CKB: variants seen among roughly 807,000 people sequenced by gnomAD.
The protein encoded by CKB is creatine kinase B.
Under a neutral mutation model 36.9 loss-of-function variants are expected in CKB, and 15 were observed. That is an observed-to-expected ratio of 0.41 (90% CI 0.27 to 0.63). The LOEUF (loss-of-function observed/expected upper bound fraction) is 0.63. Among genes scored for constraint, CKB ranks in the 20% least tolerant of loss-of-function variants. The pLI is 0.34. For missense variants in CKB, 413 were observed against 534.9 expected, an observed-to-expected ratio of 0.77 and a Z score of 2.25; for synonymous variants, 250 against 228.2, an observed-to-expected ratio of 1.10 and a Z score of -0.86.
Position 103,520,246 on chromosome 14 carries a change from G to A in CKB, c.843C>T (p.Leu281=). Reference sequence around the variant, plus strand: ...CGGTGCCCAGGTTGGATGGGCAGGTGAGGATGTAGCCCAGGTGAGGGTTCC... The same window carrying A: ...CGGTGCCCAGGTTGGATGGGCAGGTAAGGATGTAGCCCAGGTGAGGGTTCC... ...FMWNPHLGYI[L]TCPSNLGTGL... The change falls in exon 7 of 8, where the codon CTC becomes CTT. Residue 281 remains leucine, a synonymous_variant. Transcript: ENST00000348956. 4 of 1,613,672 alleles carry A rather than the reference G, an allele frequency of 2.5e-6. No homozygotes were observed. The South Asian group carries it at 3.3e-5, about 13-fold the overall frequency.
Position 103,519,895 on chromosome 14 carries a change from G to A in CKB, c.1115C>T (p.Ala372Val), listed in dbSNP as rs755648107. The change falls in exon 8 of 8, where the codon GCC (alanine) becomes GTC (valine). Residue 372 changes from alanine to valine, a missense_variant. By Grantham distance (64) the Ala-to-Val change is moderately conservative. Around this residue, in one of 3 missense-constraint regions of CKB, gnomAD observed 314 missense variants for 409.4 expected, o/e 0.77. Coordinates refer to ENST00000348956, the MANE Select transcript of CKB (RefSeq NM_001823.5). ...CTGGGCAGGCATGAGGTCGTCGATGGCCTGGCCCTGCTCCAGCCGCTGCTC... is the reference window on the plus strand; with the variant it reads ...CTGGGCAGGCATGAGGTCGTCGATGACCTGGCCCTGCTCCAGCCGCTGCTC... ...EMEQRLEQGQ[A>V]IDDLMPAQK 6.8e-6 allele frequency: 11 copies of A among 1,606,968 alleles called. No individual in the cohort carries two copies. Among genetic ancestry groups the A allele is most frequent in the Non-Finnish European group, 8.5e-6 (10 of 1,179,888 alleles).
rs1480233238 is a variant in CKB, at chr14:103,521,155, C to T, written c.653+108G>A. On this transcript the variant is annotated intron_variant, in intron 5 of 7. Coordinates refer to ENST00000348956, the MANE Select transcript of CKB (RefSeq NM_001823.5). ...GCGCGGCCGGCCCCTCCCTCCTCCT[C>T]CTCCTCCTCCTCGCCGCGAGGGGCC... The T allele has an allele frequency of 3.7e-6, 5 of 1,351,332 alleles. No homozygotes were observed. In the East Asian group the frequency reaches 1.3e-4, roughly 34 times the overall value. The allele number at this position is 1,351,332 out of a possible 1,614,324, so 83.7% of individuals were successfully genotyped here.
chr14:103,521,114 G>A, intron 5 of CKB, 149 bp downstream of exon 5: 1 of 1,003,660 alleles, frequency 1.0e-6, no homozygotes, highest in Non-Finnish European at 1.5e-6. Context: ...GGCGCGGCAC[G>A]GAACCCAGAC....
intron 5 of CKB, 177 bp downstream of exon 5, chr14:103,521,086 G>C (rs1465227408): frequency 6.0e-6 from 5 of 828,660 alleles, no homozygotes; most frequent in Admixed American, 4.0e-5. Context: ...CTCGGCCAAG[G>C]TCACCGGCGC....
chr14:103,521,686 CTG>C, intron 4 of CKB, 130 bp downstream of exon 4: 1 of 1,144,002 alleles, frequency 8.7e-7, no homozygotes. Flanking sequence ...CTCCGGGAAA[CTG>C]AACCCGGGCG....
At chr14:103,521,587 G>A in intron 4 of CKB, 153 bp from the exon 5 acceptor site, 1 of 917,170 alleles carries the variant, frequency 1.1e-6, no homozygotes, top group Non-Finnish European at 1.5e-6. Context: ...CCCGGGCGAC[G>A]GTCCCAGGCG....
intron 6 of CKB, 72 bp from the exon 7 acceptor site, chr14:103,520,383 G>A: frequency 6.3e-7 from 1 of 1,586,512 alleles, no homozygotes; most frequent in African/African-American, 1.3e-5. Flanking sequence ...ACTCCCCAGT[G>A]CCGGAAATCC....
At chr14:103,520,719 A>T in intron 5 of CKB, 127 bp from the exon 6 acceptor site, 2 of 1,311,140 alleles carry the variant, frequency 1.5e-6, no homozygotes, top group African/African-American at 1.5e-5. Context: ...TGCTGCCAAG[A>T]CTCCACCCGC....
At position 103,521,417 on chromosome 14, in the gene CKB, C is replaced by T. The variant is rs200266751; in HGVS notation, c.499G>A (p.Gly167Ser). Residue 167 changes from glycine to serine, a missense_variant, in exon 5 of 8, where the codon GGC (glycine) becomes AGC (serine). By Grantham distance (56) the Gly-to-Ser change is moderately conservative. This residue lies in a region of CKB where 314 missense variants were observed against 409.4 expected (regional missense o/e 0.77). Coordinates refer to ENST00000348956, the MANE Select transcript of CKB (RefSeq NM_001823.5). The stretch of plus-strand genomic sequence containing the variant: ...GCGTAGTATCGGCCCGCCAGGTCGC[C>T]GTCCAGGCTGGACAGGGCTGCGAGG... ...LAVEALSSLD[G>S]DLAGRYYALK... The T allele has an allele frequency of 6.2e-7, 1 of 1,601,870 alleles. No individual in the cohort carries two copies. Among genetic ancestry groups the T allele is most frequent in the Non-Finnish European group, 8.5e-7 (1 of 1,178,486 alleles).
At position 103,520,291 on chromosome 14, in the gene CKB, A is replaced by T; in HGVS notation, c.798T>A (p.Ser266=). The part of the protein sequence containing the change: ...GLTQIETLFK[S]KDYEFMWNPH... Reference sequence around the variant, plus strand: ...GGTTCCACATGAACTCATAGTCCTTAGACTTGAAGAGAGTTTCAATCTGCA... The same window carrying T: ...GGTTCCACATGAACTCATAGTCCTTTGACTTGAAGAGAGTTTCAATCTGCA... The change falls in exon 7 of 8, where the codon TCT becomes TCA. Residue 266 remains serine (S), a synonymous_variant. Transcript: ENST00000348956. 1.9e-6 allele frequency: 3 copies of T among 1,607,834 alleles called. No homozygotes were observed. The highest frequency in any genetic ancestry group is 2.6e-6 in the Non-Finnish European group (3 of 1,176,444).
intron 5 of CKB, chr14:103,520,966 G>T (rs2075895878): frequency 3.5e-6 from 2 of 567,702 alleles, no homozygotes; most frequent in South Asian, 2.0e-5. Context: ...TCCCAGGGCC[G>T]TCGGGGAGAG....
At chr14:103,520,741 G>C (rs2071408) in intron 5 of CKB, 149 bp from the exon 6 acceptor site, 29 of 1,150,338 alleles carry the variant, frequency 2.5e-5, no homozygotes, top group South Asian at 9.8e-5. Flanking sequence ...AACACGGGGC[G>C]GGCGGGGGAA....
At position 103,522,200 on chromosome 14, in the gene CKB, G is replaced by C; in HGVS notation, c.194-23C>G. ...GGCCTGGGGGAGGGGGCGCGGGACG[G>C]GGACAGTGACGTCACTGCCGGGCCC... On this transcript the variant is annotated intron_variant, in intron 2 of 7. Transcript: ENST00000348956. This position sits in a 1 kb window ranked among gnomAD's most constrained non-coding sequence, Gnocchi z 6.7. 1 of 1,595,622 alleles carries C rather than the reference G, an allele frequency of 6.3e-7. No homozygotes were observed. The highest frequency in any genetic ancestry group is 8.5e-7 in the Non-Finnish European group (1 of 1,172,248).
Position 103,522,814 on chromosome 14 carries a change from G to C in CKB, c.-61C>G, listed in dbSNP as rs1466390613. On this transcript the variant is annotated 5_prime_UTR_variant, in exon 1 of 8. Coordinates refer to ENST00000348956, the MANE Select transcript of CKB (RefSeq NM_001823.5). The surrounding 1 kb of genome is among the most constrained non-coding windows in gnomAD (Gnocchi z 6.7). ...GCGCTCCGTCCGTCGGCAGCTCCCGGAGCGACGCAGGCGAACAGCGGCCGC... is the reference window on the plus strand; with the variant it reads ...GCGCTCCGTCCGTCGGCAGCTCCCGCAGCGACGCAGGCGAACAGCGGCCGC... 6.6e-6 allele frequency: 1 copy of C among 151,108 alleles called. No homozygotes were observed. Among genetic ancestry groups the C allele is most frequent in the Non-Finnish European group, 1.5e-5 (1 of 67,580 alleles). 9.4% of individuals were successfully genotyped at this position (151,108 alleles called of 1,614,324 possible). A position where few individuals can be genotyped will look rare whatever the true frequency, so the allele number is the denominator to read the frequency against.
In CKB at chr14:103,520,513, T is replaced by C; in HGVS notation, c.733A>G (p.Asn245Asp). 1 of 1,610,886 alleles carries C rather than the reference T, an allele frequency of 6.2e-7. No homozygotes were observed. The highest frequency in any genetic ancestry group is 8.5e-7 in the Non-Finnish European group (1 of 1,178,648). The change falls in exon 6 of 8, where the codon AAC becomes GAC. Residue 245 changes from asparagine (N) to aspartate (D), a missense_variant. Physicochemically the swap from Asn to Asp is conservative, Grantham distance 23. Around this residue, in one of 3 missense-constraint regions of CKB, gnomAD observed 314 missense variants for 409.4 expected, o/e 0.77. Coordinates refer to ENST00000348956, the MANE Select transcript of CKB (RefSeq NM_001823.5). ...AAGCGGGTGAACACCTCCTTCATGT[T>C]GCCCCCCTTCTGCATGGAGATGACC... Reference protein sequence around the residue: ...LRVISMQKGGNMKEVFTRFCT... With the variant: ...LRVISMQKGGDMKEVFTRFCT...
chr14:103,522,583 G>GCCCCCCCCCC lies in CKB; in HGVS notation c.-12-79_-12-78insGGGGGGGGGG. On this transcript the variant is annotated intron_variant, in intron 1 of 7. Coordinates refer to ENST00000348956, the MANE Select transcript of CKB (RefSeq NM_001823.5). The surrounding 1 kb of genome is among the most constrained non-coding windows in gnomAD (Gnocchi z 6.7). ...CCCGCGTACCACTCAGGCCCCCGCC[G>GCCCCCCCCCC]CCGGGCCCCCCGGCGCCCCCCGGGA... The GCCCCCCCCCC allele has an allele frequency of 1.5e-5, 5 of 336,472 alleles. No homozygotes were observed. Among genetic ancestry groups the GCCCCCCCCCC allele is most frequent in the South Asian group, 3.4e-5 (1 of 29,034 alleles). The allele number at this position is 336,472 out of a possible 1,614,324, so 20.8% of individuals were successfully genotyped here.
intron 5 of CKB, 67 bp downstream of exon 5, chr14:103,521,196 G>A (rs977838121): frequency 2.0e-6 from 3 of 1,514,096 alleles, no homozygotes; most frequent in Admixed American, 4.0e-5. Context: ...CCCGCGAGGG[G>A]GGCGAGAGGG....
chr14:103,521,649 C>T (rs2075901850), intron 4 of CKB, 169 bp downstream of exon 4: 1 of 981,296 alleles, frequency 1.0e-6, no homozygotes. Context: ...GCTGTGGGCG[C>T]GGGGCTGGGC....
At chr14:103,520,615 G>A in intron 5 of CKB, 23 bp from the exon 6 acceptor site, 1 of 1,603,754 alleles carries the variant, frequency 6.2e-7, no homozygotes, top group Non-Finnish European at 8.5e-7. Flanking sequence ...TGGTCTCAGG[G>A]CATACCCAGA....
Sources: gnomAD v4.1 joint callset for allele counts on GRCh38, gnomAD v4.1.1 for gene constraint, gnomAD v4.1.1 regional missense constraint, Gnocchi (gnomAD v3.1) non-coding constraint, MANE v1.5 for transcripts, NCBI Gene and HGNC (gene_info 2026-07-23, HGNC 2026-07-21) for gene names.